GSDME: variants seen among roughly 807,000 people sequenced by gnomAD.
GSDME encodes gasdermin E.
Under a neutral mutation model 47.5 loss-of-function variants are expected in GSDME, and 44 were observed. The ratio of observed to expected loss-of-function variants is 0.93; its 90% CI spans 0.73 to 1.19. The LOEUF (loss-of-function observed/expected upper bound fraction) is 1.19, where lower values mean the gene tolerates loss of function less well. GSDME is among the 50% of genes most tolerant of loss of function. GSDME has a pLI of 0.00. For synonymous variants in GSDME, 258 were observed against 252.8 expected (o/e 1.02, Z -0.20); for missense variants, 663 against 604.2 (o/e 1.10, Z -1.02).
intron 3 of GSDME, among the ~76,000 whole-genome samples, chr7:24,740,338 AATAG>A (rs1357521525): frequency 6.6e-6 from 1 of 152,002 alleles, no homozygotes; most frequent in Non-Finnish European, 1.5e-5. Flanking sequence ...GTCCAATAAA[AATAG>A]AAAGAATGAA....
chr7:24,777,132 G>A, the GSDME span, among the ~76,000 whole-genome samples: 1 of 151,964 alleles, frequency 6.6e-6, no homozygotes, highest in South Asian at 2.1e-4. Flanking sequence ...ATATGAATTC[G>A]AAAGAAGCTT....
At chr7:24,780,815 T>G in the GSDME span, among the ~76,000 whole-genome samples, 1 of 152,192 alleles carries the variant, frequency 6.6e-6, no homozygotes, top group East Asian at 1.9e-4. The surrounding 1 kb of genome is among the most constrained non-coding windows in gnomAD (Gnocchi z 4.1). Flanking sequence ...TGGAGCCTAG[T>G]AGGATCTAGA....
chr7:24,738,542 C>G (rs1442440879), intron 3 of GSDME, among the ~76,000 whole-genome samples: 1 of 152,122 alleles, frequency 6.6e-6, no homozygotes, highest in Non-Finnish European at 1.5e-5. Flanking sequence ...AATGTCCATA[C>G]TACTCAAAGT....
the GSDME span, among the ~76,000 whole-genome samples, chr7:24,769,470 C>G: frequency 3.9e-4 from 60 of 152,190 alleles, no homozygotes; most frequent in African/African-American, 1.4e-3. Context: ...TCAAGAGAAA[C>G]TGTTTCACCA....
intron 7 of GSDME, among the ~76,000 whole-genome samples, chr7:24,706,647 T>C (rs1789119746): frequency 6.6e-6 from 1 of 152,104 alleles, no homozygotes; most frequent in African/African-American, 2.4e-5. Flanking sequence ...TGTTGGGTAG[T>C]GCCAGGGACC....
At chr7:24,704,076 A>G (rs1584045614) in intron 8 of GSDME, 2 of 152,338 alleles carry the variant, frequency 1.3e-5, no homozygotes, top group Middle Eastern at 6.8e-3. Context: ...GGGCACAGAA[A>G]TGAAAGAACA....
chr7:24,728,436 G>A lies in GSDME; in HGVS notation c.405-9218C>T, dbSNP rs1179607614. ...CAACCAGACACCCTAACTGGTATATGAAGTGACCATCATCCTTATTTCAGA... is the reference window on the plus strand; with the variant it reads ...CAACCAGACACCCTAACTGGTATATAAAGTGACCATCATCCTTATTTCAGA... On this transcript the variant is annotated intron_variant, in intron 3 of 9. Coordinates refer to ENST00000645220, the MANE Select transcript of GSDME (RefSeq NM_001127453.2). The surrounding 1 kb of genome is among the most constrained non-coding windows in gnomAD (Gnocchi z 7.2). 6.6e-6 allele frequency among the ~76,000 whole-genome samples: 1 copy of A among 152,200 alleles called. No homozygotes were observed. Among genetic ancestry groups the A allele is most frequent in the African/African-American group, 2.4e-5 (1 of 41,454 alleles).
rs1026734440 is a variant in GSDME, at chr7:24,726,817, A to C, written c.405-7599T>G. 4.6e-5 allele frequency among the ~76,000 whole-genome samples: 7 copies of C among 152,058 alleles called. No individual in the cohort carries two copies. In the South Asian group the frequency reaches 6.2e-4, roughly 14 times the overall value. On this transcript the variant is annotated intron_variant, in intron 3 of 9. Coordinates refer to ENST00000645220, the MANE Select transcript of GSDME (RefSeq NM_001127453.2). This position sits in a 1 kb window ranked among gnomAD's most constrained non-coding sequence, Gnocchi z 5.6. ...CGAGACTCCGTCTCAAAAAAAAAAA[A>C]AAAAAACCAATGGCCTCGAGGAAGA... is the stretch of plus-strand genomic sequence containing the variant.
rs1305762625 is a variant in GSDME, at chr7:24,732,977, A to G, written c.404+11585T>C. Among the ~76,000 whole-genome samples the G allele has an allele frequency of 6.6e-6, 1 of 151,802 alleles. No homozygotes were observed. Among genetic ancestry groups the G allele is most frequent in the Non-Finnish European group, 1.5e-5 (1 of 67,978 alleles). On this transcript the variant is annotated intron_variant, in intron 3 of 9. Coordinates refer to ENST00000645220, the MANE Select transcript of GSDME (RefSeq NM_001127453.2). This position sits in a 1 kb window ranked among gnomAD's most constrained non-coding sequence, Gnocchi z 4.8. ...GAGTACTGGATCTAACCCTCCCCCA[A>G]CTCCAAGCAGCACAACATGCAGCTC...
In GSDME at chr7:24,757,153, G is replaced by A. The variant is rs1001822; in HGVS notation, c.-20+243C>T. Among the ~76,000 whole-genome samples, 1 of 152,176 alleles carries A rather than the reference G, an allele frequency of 6.6e-6. No homozygotes were observed. Among genetic ancestry groups the A allele is most frequent in the Non-Finnish European group, 1.5e-5 (1 of 68,016 alleles). The stretch of plus-strand genomic sequence containing the variant: ...TGCTGACTGCGAGTTGGGGCGGGAC[G>A]CGGTGATGGGAGGGGACCGGGCCGG... On this transcript the variant is annotated intron_variant, in intron 1 of 9. Coordinates refer to ENST00000645220, the MANE Select transcript of GSDME (RefSeq NM_001127453.2). The surrounding 1 kb of genome is among the most constrained non-coding windows in gnomAD (Gnocchi z 5.9).
chr7:24,706,706 CGTCTT>C (rs1375503635), intron 7 of GSDME, among the ~76,000 whole-genome samples: 7 of 152,212 alleles, frequency 4.6e-5, no homozygotes, highest in African/African-American at 1.2e-4. Context: ...GTTCAAGCAT[CGTCTT>C]GTCTTGGTTC....
At position 24,745,056 on chromosome 7, in the gene GSDME, C is replaced by T. The variant is rs1423896434; in HGVS notation, c.212-302G>A. Among the ~76,000 whole-genome samples, 3 of 148,918 alleles carry T rather than the reference C, an allele frequency of 2.0e-5. No individual in the cohort carries two copies. The highest frequency in any genetic ancestry group is 3.0e-5 in the Non-Finnish European group (2 of 67,380). ...GTGTGGACCACGGGCACACAGTGGACCAGTGACCAGGGCTCCACTAGAAGC... is the reference window on the plus strand; with the variant it reads ...GTGTGGACCACGGGCACACAGTGGATCAGTGACCAGGGCTCCACTAGAAGC... On this transcript the variant is annotated intron_variant, in intron 2 of 9. Coordinates refer to ENST00000645220, the MANE Select transcript of GSDME (RefSeq NM_001127453.2). This position sits in a 1 kb window ranked among gnomAD's most constrained non-coding sequence, Gnocchi z 4.4.
In GSDME at chr7:24,705,659, G is replaced by A. The variant is rs1352425152; in HGVS notation, c.1183+525C>T. 4.5e-6 allele frequency: 1 copy of A among 224,572 alleles called. No individual in the cohort carries two copies. The highest frequency in any genetic ancestry group is 8.9e-6 in the Non-Finnish European group (1 of 112,662). 13.9% of individuals were successfully genotyped at this position (224,572 alleles called of 1,614,324 possible). A position where few individuals can be genotyped will look rare whatever the true frequency, so the allele number is the denominator to read the frequency against. ...CCTGGGAGGCCATTTCAGGACCAGT[G>A]CAGAAGCTGTGCATCTGGGCCCAGC... On this transcript the variant is annotated intron_variant, in intron 8 of 9. Transcript: ENST00000645220. This position sits in a 1 kb window ranked among gnomAD's most constrained non-coding sequence, Gnocchi z 4.1.
In GSDME at chr7:24,749,794, C is replaced by A. The variant is rs373095921; in HGVS notation, c.-19-1G>T. ...AAACATTTTGAAAGCTCCAGATTAT[C>A]TGAAAAAGTAAAGTTATCCTAAAAT... On this transcript the variant is annotated splice_acceptor_variant, in intron 1 of 9. Coordinates refer to ENST00000645220, the MANE Select transcript of GSDME (RefSeq NM_001127453.2). LOFTEE classifies it low-confidence loss of function (5UTR_SPLICE). The A allele has an allele frequency of 1.3e-6, 2 of 1,592,572 alleles. No individual in the cohort carries two copies. Among genetic ancestry groups the A allele is most frequent in the African/African-American group, 2.7e-5 (2 of 74,382 alleles).
At chr7:24,769,810 A>G in the GSDME span, among the ~76,000 whole-genome samples, 1 of 152,224 alleles carries the variant, frequency 6.6e-6, no homozygotes, top group African/African-American at 2.4e-5. Flanking sequence ...TCAGCACCAG[A>G]CACAGATATG....
intron 5 of GSDME, among the ~76,000 whole-genome samples, chr7:24,713,144 G>C (rs1789420781): frequency 6.6e-6 from 1 of 152,124 alleles, no homozygotes; most frequent in South Asian, 2.1e-4. Flanking sequence ...TGCTAGGTTT[G>C]AGGGACAGTG....
chr7:24,778,014 G>C, the GSDME span, among the ~76,000 whole-genome samples: 4 of 150,760 alleles, frequency 2.7e-5, no homozygotes, highest in African/African-American at 4.9e-5. This position sits in a 1 kb window ranked among gnomAD's most constrained non-coding sequence, Gnocchi z 5.6. Context: ...TCCCATAAAG[G>C]CTCCCTCTAA....
At chr7:24,709,513 A>C (rs1231049238) in intron 6 of GSDME, among the ~76,000 whole-genome samples, 2 of 152,206 alleles carry the variant, frequency 1.3e-5, no homozygotes, top group African/African-American at 4.8e-5. Flanking sequence ...CCACAGATGT[A>C]GTCACCAGGG....
At position 24,724,188 on chromosome 7, in the gene GSDME, A is replaced by AT. The variant is rs11451060; in HGVS notation, c.405-4971_405-4970insA. On this transcript the variant is annotated intron_variant, in intron 3 of 9. Coordinates refer to ENST00000645220, the MANE Select transcript of GSDME (RefSeq NM_001127453.2). The surrounding 1 kb of genome is among the most constrained non-coding windows in gnomAD (Gnocchi z 4.8). ...TTGCCCAGTTCCAAAAAAAAAAAAA[A>AT]GTATTTTAAAAAAAGGCCTTCTGGA... Among the ~76,000 whole-genome samples the AT allele has an allele frequency of 1.6e-4, 24 of 151,524 alleles. 1 individual carries two copies. The highest frequency in any genetic ancestry group is 5.8e-4 in the African/African-American group (24 of 41,254).
Sources: gnomAD v4.1 joint callset for allele counts (sites outside exome capture counted in the v4.1 genomes callset) on GRCh38, gnomAD v4.1.1 for gene constraint, Gnocchi (gnomAD v3.1) non-coding constraint, MANE v1.5 for transcripts, NCBI Gene and HGNC (gene_info 2026-07-23, HGNC 2026-07-21) for gene names.